The following SNTG1 variants were observed in gnomAD, a reference collection of about 807,000 sequenced individuals.
SNTG1 encodes the protein gamma-1-syntrophin.
SNTG1 carries 39 observed loss-of-function variants against 74.7 expected under a neutral mutation model. The observed-to-expected ratio is 0.52, with a 90% confidence interval of 0.40 to 0.68. The LOEUF (loss-of-function observed/expected upper bound fraction) is 0.68. SNTG1 is among the 30% of genes least tolerant of loss of function. SNTG1 has a pLI of 0.00. For synonymous variants in SNTG1, 254 were observed against 217.1 expected, an observed-to-expected ratio of 1.17 and a Z score of -1.49; for missense variants, 685 against 609.5, an observed-to-expected ratio of 1.12 and a Z score of -1.30.
At chr8:50,218,858 C>T (rs1371035147) in intron 2 of SNTG1, among the ~76,000 whole-genome samples, 1 of 152,136 alleles carries the variant, frequency 6.6e-6, no homozygotes, top group Non-Finnish European at 1.5e-5. Flanking sequence ...TCCAGAGAGG[C>T]AGAAACAATG....
intron 1 of SNTG1, among the ~76,000 whole-genome samples, chr8:49,921,024 G>A (rs1378118315): frequency 2.0e-5 from 3 of 152,060 alleles, no homozygotes; most frequent in African/African-American, 7.2e-5. Flanking sequence ...AATGGATAAT[G>A]AGAGGACATA....
At chr8:50,584,219 G>A (rs1216382250) in intron 12 of SNTG1, among the ~76,000 whole-genome samples, 2 of 151,338 alleles carry the variant, frequency 1.3e-5, no homozygotes, top group Non-Finnish European at 2.9e-5. Flanking sequence ...TGTAAATAGG[G>A]CCGCAATAAA....
chr8:50,151,588 C>A (rs1429582937), intron 1 of SNTG1, among the ~76,000 whole-genome samples: 2 of 152,090 alleles, frequency 1.3e-5, no homozygotes, highest in Non-Finnish European at 2.9e-5. Flanking sequence ...TAAATGTGTC[C>A]CAGAGATTCT....
At chr8:50,128,655 C>A (rs1006468944) in intron 1 of SNTG1, among the ~76,000 whole-genome samples, 1 of 151,836 alleles carries the variant, frequency 6.6e-6, no homozygotes, top group Non-Finnish European at 1.5e-5. Flanking sequence ...ATTGTTTCTC[C>A]CACTTTAGAA....
intron 1 of SNTG1, among the ~76,000 whole-genome samples, chr8:49,998,096 G>A (rs1207268888): frequency 6.6e-6 from 1 of 151,940 alleles, no homozygotes; most frequent in African/African-American, 2.4e-5. Context: ...CTTGGCAATT[G>A]TAACAGCATG....
At chr8:50,075,234 G>T (rs1234069612) in intron 1 of SNTG1, among the ~76,000 whole-genome samples, 1 of 152,178 alleles carries the variant, frequency 6.6e-6, no homozygotes. Context: ...GACCGCCCAG[G>T]GGCTGAGCAG....
chr8:50,190,792 G>T (rs567824572), intron 2 of SNTG1, among the ~76,000 whole-genome samples: 1 of 152,190 alleles, frequency 6.6e-6, no homozygotes, highest in East Asian at 1.9e-4. Context: ...TGGTCATTTG[G>T]GGGTGGATAG....
intron 4 of SNTG1, among the ~76,000 whole-genome samples, chr8:50,434,060 C>T (rs1257559316): frequency 1.5e-5 from 2 of 137,364 alleles, no homozygotes; most frequent in Non-Finnish European, 3.1e-5. Context: ...CCATGACAGT[C>T]CCCAGTGTGT....
intron 11 of SNTG1, among the ~76,000 whole-genome samples, chr8:50,550,670 A>G (rs1240040335): frequency 6.7e-6 from 1 of 149,414 alleles, no homozygotes; most frequent in African/African-American, 2.5e-5. Context: ...CTCTTCAGTG[A>G]TGTAATTTTT....
chr8:50,275,573 G>A (rs2088048703), intron 2 of SNTG1, among the ~76,000 whole-genome samples: 2 of 152,166 alleles, frequency 1.3e-5, no homozygotes, highest in Non-Finnish European at 1.5e-5. Context: ...AAACCCCTGT[G>A]TAAAACATGA....
chr8:50,104,010 G>T (rs1488738317), intron 1 of SNTG1, among the ~76,000 whole-genome samples: 1 of 152,154 alleles, frequency 6.6e-6, no homozygotes, highest in Non-Finnish European at 1.5e-5. Context: ...AGGGATATCA[G>T]TCTAAAATTC....
At chr8:50,147,167 G>A (rs1386181888) in intron 1 of SNTG1, among the ~76,000 whole-genome samples, 1 of 152,192 alleles carries the variant, frequency 6.6e-6, no homozygotes, top group Non-Finnish European at 1.5e-5. Context: ...GTAGATACAT[G>A]ACTCTACGCA....
At chr8:50,009,331 T>A (rs149335590) in intron 1 of SNTG1, among the ~76,000 whole-genome samples, 37 of 152,292 alleles carry the variant, frequency 2.4e-4, no homozygotes, top group Admixed American at 2.3e-3. Flanking sequence ...GATATAGGGA[T>A]TGTTATATAA....
chr8:50,622,877 A>G (rs2094932185), intron 13 of SNTG1, among the ~76,000 whole-genome samples: 1 of 152,120 alleles, frequency 6.6e-6, no homozygotes, highest in Non-Finnish European at 1.5e-5. Context: ...AAAGGTAAAT[A>G]TGTCTCCTTA....
chr8:50,695,734 A>G (rs1157154117), intron 15 of SNTG1, among the ~76,000 whole-genome samples: 1 of 151,586 alleles, frequency 6.6e-6, no homozygotes, highest in Non-Finnish European at 1.5e-5. Flanking sequence ...TTGACTTTCT[A>G]TTTCTGAGTT....
At chr8:50,402,957 G>T (rs2092825646) in intron 4 of SNTG1, among the ~76,000 whole-genome samples, 1 of 152,172 alleles carries the variant, frequency 6.6e-6, no homozygotes, top group Non-Finnish European at 1.5e-5. Context: ...ACTGATTGCT[G>T]TACCTACTCA....
At chr8:50,410,451 T>C (rs1409374618) in intron 4 of SNTG1, among the ~76,000 whole-genome samples, 2 of 152,202 alleles carry the variant, frequency 1.3e-5, no homozygotes, top group African/African-American at 4.8e-5. Context: ...TTTAATGAGA[T>C]TGCATTCTTC....
At chr8:50,364,575 C>CAT (rs1563945671) in intron 2 of SNTG1, among the ~76,000 whole-genome samples, 1 of 152,006 alleles carries the variant, frequency 6.6e-6, no homozygotes, top group Non-Finnish European at 1.5e-5. Context: ...ATGCTTATAT[C>CAT]ATAGCATTTT....
intron 1 of SNTG1, among the ~76,000 whole-genome samples, chr8:50,063,436 T>C (rs998894495): frequency 4.6e-5 from 7 of 152,178 alleles, no homozygotes; most frequent in Non-Finnish European, 8.8e-5. Context: ...AGAAATGAGA[T>C]GACTCAAGTG....
Sources: allele counts gnomAD v4.1 joint callset (sites outside exome capture counted in the v4.1 genomes callset), GRCh38; gene constraint gnomAD v4.1.1; transcripts MANE v1.5; gene names NCBI Gene and HGNC (gene_info 2026-07-23, HGNC 2026-07-21).